Variants in CCNK observed in about 807,000 individuals in gnomAD.
CCNK encodes the protein cyclin K.
Under a neutral mutation model 65.0 loss-of-function variants are expected in CCNK, and 9 were observed. That is an observed-to-expected ratio of 0.14 (90% CI 0.08 to 0.24). The LOEUF (loss-of-function observed/expected upper bound fraction) is 0.24. Among genes scored for constraint, CCNK ranks in the 10% least tolerant of loss-of-function variants. CCNK has a pLI of 1.00. For missense variants in CCNK, 474 were observed against 720.0 expected, an observed-to-expected ratio of 0.66 and a Z score of 3.91; for synonymous variants, 279 against 270.8, an observed-to-expected ratio of 1.03 and a Z score of -0.30.
rs193211770 is a variant in CCNK at position 99,496,397 on chromosome 14, G to A, written c.411+768G>A. ...TCAAGACCAGCCTAGCCAACATAGC[G>A]AAACCCCATCTCTACTATATAAGAA... On this transcript the variant is annotated intron_variant, in intron 4 of 10. Coordinates refer to ENST00000389879, the MANE Select transcript of CCNK (RefSeq NM_001099402.2). Among the ~76,000 whole-genome samples, 253 of 152,252 alleles carry A rather than the reference G, an allele frequency of 1.7e-3. 1 individual carries two copies. The highest frequency in any genetic ancestry group is 5.8e-3 in the African/African-American group (240 of 41,546).
intron 3 of CCNK, chr14:99,494,451 T>C (rs1896658456): frequency 6.6e-6 from 1 of 152,210 alleles, no homozygotes; most frequent in African/African-American, 2.4e-5. Flanking sequence ...ATTGTGTTGA[T>C]TTGTTAGCTA....
chr14:99,484,003 C>A (rs1896420558), intron 1 of CCNK, among the ~76,000 whole-genome samples: 1 of 151,928 alleles, frequency 6.6e-6, no homozygotes, highest in Admixed American at 6.6e-5. Flanking sequence ...CCAGAACTGG[C>A]CAGATATAAA....
At chr14:99,489,619 A>G (rs1896559450) in intron 1 of CCNK, among the ~76,000 whole-genome samples, 1 of 152,232 alleles carries the variant, frequency 6.6e-6, no homozygotes, top group African/African-American at 2.4e-5. Context: ...TAAGCATGTA[A>G]CAATATCAGA....
chr14:99,493,526 C>G lies in CCNK; in HGVS notation c.210C>G (p.Thr70=). ...VGTRLGLHYD[T]LATGIIYFHR... ...ACCAGAACAACAGACACTATGATAC[C>G]CTGGCAACTGGAATAATTTATTTTC... The change falls in exon 3 of 11, where the codon ACC becomes ACG. Residue 70 remains threonine (T), a synonymous_variant. Coordinates refer to ENST00000389879, the MANE Select transcript of CCNK (RefSeq NM_001099402.2). 1 of 1,611,432 alleles carries G rather than the reference C, an allele frequency of 6.2e-7. No homozygotes were observed. Among genetic ancestry groups the G allele is most frequent in the Non-Finnish European group, 8.5e-7 (1 of 1,178,188 alleles).
At chr14:99,506,900 G>T in intron 9 of CCNK, 176 bp from the exon 10 acceptor site, 1 of 588,758 alleles carries the variant, frequency 1.7e-6, no homozygotes, top group South Asian at 2.0e-5. Flanking sequence ...CATTTAATTT[G>T]TTAACAGGAT....
chr14:99,495,398 G>A (rs1014147210), intron 3 of CCNK, 100 bp from the exon 4 acceptor site: 60 of 994,820 alleles, frequency 6.0e-5, no homozygotes, highest in Non-Finnish European at 8.3e-5. Flanking sequence ...AAAGGTAGGG[G>A]AATGAGGAAG....
At chr14:99,490,105 C>G (rs1166821984) in intron 1 of CCNK, among the ~76,000 whole-genome samples, 1 of 152,164 alleles carries the variant, frequency 6.6e-6, no homozygotes, top group Admixed American at 6.5e-5. Context: ...TATTTACTTA[C>G]TAGTGGGTGG....
At position 99,502,193 on chromosome 14, in the gene CCNK, T is replaced by C; in HGVS notation, c.576-14T>C. ...GATCATATTATCTAACCTTTTTTTT[T>C]CTTGTTGAACTAGTCTCTGCACCAC... is the stretch of plus-strand genomic sequence containing the variant. On this transcript the variant is annotated splice_polypyrimidine_tract_variant and intron_variant, in intron 6 of 10. Coordinates refer to ENST00000389879, the MANE Select transcript of CCNK (RefSeq NM_001099402.2). The C allele has an allele frequency of 6.4e-7, 1 of 1,559,158 alleles. No homozygotes were observed. The highest frequency in any genetic ancestry group is 8.7e-7 in the Non-Finnish European group (1 of 1,151,388).
In CCNK at chr14:99,510,666, G is replaced by A; in HGVS notation, c.1627G>A (p.Ala543Thr). 7.3e-7 allele frequency: 1 copy of A among 1,364,044 alleles called. No homozygotes were observed. The highest frequency in any genetic ancestry group is 1.6e-5 in the South Asian group (1 of 63,628). The allele number at this position is 1,364,044 out of a possible 1,614,324, so 84.5% of individuals were successfully genotyped here. The part of the protein sequence containing the change: ...HPPPGLGLPP[A>T]SYPPPAVPPG... ...TCCTCCAGGGTTGGGCCTGCCGCCAGCCAGCTACCCACCTCCTGCCGTCCC... is the reference window on the plus strand; with the variant it reads ...TCCTCCAGGGTTGGGCCTGCCGCCAACCAGCTACCCACCTCCTGCCGTCCC... Residue 543 changes from alanine (A) to threonine (T), a missense_variant, in exon 11 of 11, where the codon GCC (alanine) becomes ACC (threonine). Physicochemically the swap from Ala to Thr is moderately conservative, Grantham distance 58. This residue lies in a region of CCNK where 53 missense variants were observed against 91.4 expected (regional missense o/e 0.58). Transcript: ENST00000389879.
At chr14:99,489,939 A>T (rs1896565156) in intron 1 of CCNK, among the ~76,000 whole-genome samples, 1 of 152,246 alleles carries the variant, frequency 6.6e-6, no homozygotes, top group South Asian at 2.1e-4. Flanking sequence ...AATGATTCCA[A>T]ATAATAAATG....
chr14:99,492,518 T>G (rs1286214496), intron 1 of CCNK, 108 bp from the exon 2 acceptor site: 2 of 616,102 alleles, frequency 3.2e-6, no homozygotes, highest in Non-Finnish European at 5.5e-6. Context: ...CAATTGACAG[T>G]GTGGTTTCTA....
intron 4 of CCNK, 199 bp from the exon 5 acceptor site, chr14:99,500,566 GT>G (rs886942350): frequency 1.8e-6 from 1 of 543,314 alleles, no homozygotes; most frequent in African/African-American, 2.0e-5. Flanking sequence ...CCTCTGCTTT[GT>G]CTTCCTGTTT....
rs1896841593 is a variant in CCNK at position 99,501,971 on chromosome 14, G to T, written c.576-236G>T. On this transcript the variant is annotated intron_variant, in intron 6 of 10. Coordinates refer to ENST00000389879, the MANE Select transcript of CCNK (RefSeq NM_001099402.2). The stretch of plus-strand genomic sequence containing the variant: ...ATTTTCATTGGTGTAGCAATTTTTG[G>T]ATGTGCTAGAATTCTTCTGATTCTT... 1.3e-5 allele frequency: 5 copies of T among 376,810 alleles called. No individual in the cohort carries two copies. The Admixed American group carries it at 1.7e-4, about 13-fold the overall frequency. 23.3% of individuals were successfully genotyped at this position (376,810 alleles called of 1,614,324 possible).
At chr14:99,509,860 G>A in intron 10 of CCNK, 1 of 478,090 alleles carries the variant, frequency 2.1e-6, no homozygotes, top group East Asian at 3.6e-5. Flanking sequence ...GAGGGGGCTG[G>A]GGCCAGGGCA....
rs983215711 is a variant in CCNK, at chr14:99,511,496, T to C, written c.*714T>C. ...AGACTCCTTCAGTCAGTTATCCAAA[T>C]AAAAGCAGTTCTGAAACTATCCCTT... On this transcript the variant is annotated 3_prime_UTR_variant, in exon 11 of 11. Transcript: ENST00000389879. 2.6e-5 allele frequency: 4 copies of C among 152,614 alleles called. No individual in the cohort carries two copies. Among genetic ancestry groups the C allele is most frequent in the Admixed American group, 2.6e-4 (4 of 15,286 alleles). 9.5% of individuals were successfully genotyped at this position (152,614 alleles called of 1,614,324 possible).
chr14:99,507,408 C>T, intron 10 of CCNK: 1 of 460,508 alleles, frequency 2.2e-6, no homozygotes, highest in Non-Finnish European at 4.0e-6. Context: ...GAGACCCTGT[C>T]TAAAAAATTA....
intron 1 of CCNK, among the ~76,000 whole-genome samples, chr14:99,483,551 A>G (rs1896409274): frequency 6.6e-6 from 1 of 152,232 alleles, no homozygotes; most frequent in Admixed American, 6.5e-5. Context: ...CCCTGTCTCA[A>G]GAAAAAGCCA....
At chr14:99,503,858 T>G in intron 9 of CCNK, 1 of 560,704 alleles carries the variant, frequency 1.8e-6, no homozygotes, top group South Asian at 2.3e-5. Flanking sequence ...ACAGAAAACA[T>G]TACTGGCAAT....
intron 10 of CCNK, chr14:99,509,096 C>T (rs562054545): frequency 1.4e-4 from 22 of 152,366 alleles, no homozygotes; most frequent in Admixed American, 3.9e-4. Flanking sequence ...CAAGATCAAA[C>T]GGGTTGTGTG....
Sources: allele counts gnomAD v4.1 joint callset (sites outside exome capture counted in the v4.1 genomes callset), GRCh38; gene constraint gnomAD v4.1.1; regional missense constraint gnomAD v4.1.1; transcripts MANE v1.5; gene names NCBI Gene and HGNC (gene_info 2026-07-23, HGNC 2026-07-21).